NLGN4Y: variants seen among roughly 807,000 people sequenced by gnomAD.
NLGN4Y encodes the protein neuroligin-4, Y-linked.
In NLGN4Y, 4 loss-of-function variants were observed where a neutral mutation model predicts 8.4. The ratio of observed to expected loss-of-function variants is 0.48; its 90% CI spans 0.23 to 1.09. The LOEUF (loss-of-function observed/expected upper bound fraction) is 1.09. NLGN4Y is among the 50% of genes least tolerant of loss of function. NLGN4Y has a pLI of 0.19. For synonymous variants in NLGN4Y, 35 were observed against 75.6 expected (o/e 0.46, Z 2.78); for missense variants, 90 against 192.3 (o/e 0.47, Z 3.15).
Position 14,709,004 on chromosome Y carries a change from G to A in NLGN4Y, c.473-10455G>A, listed in dbSNP as rs556120823. Reference sequence around the variant, plus strand: ...GAATATCATCCTCTAACAGGCTAGTGAGGACTCTTCATGGAAACTTGTCAG... The same window carrying A: ...GAATATCATCCTCTAACAGGCTAGTAAGGACTCTTCATGGAAACTTGTCAG... On this transcript the variant is annotated intron_variant, in intron 2 of 6. Transcript: ENST00000684976. 2.4e-4 allele frequency among the ~76,000 whole-genome samples: 8 copies of A among 33,174 alleles called. No homozygotes were observed. The East Asian group carries it at 5.7e-3, about 23-fold the overall frequency. 89.0% of individuals were successfully genotyped at this position (33,174 alleles called of 37,273 possible). A position where few individuals can be genotyped will look rare whatever the true frequency, so the allele number is the denominator to read the frequency against.
intron 4 of NLGN4Y, among the ~76,000 whole-genome samples, chrY:14,751,304 A>G (rs1401691013): frequency 2.1e-4 from 7 of 33,694 alleles, no homozygotes; most frequent in Non-Finnish European, 4.4e-4. Context: ...ACCACTATGT[A>G]ATTGCTGGTT....
At chrY:14,778,796 G>A in intron 4 of NLGN4Y, among the ~76,000 whole-genome samples, 1 of 33,493 alleles carries the variant, frequency 3.0e-5, no homozygotes, top group Non-Finnish European at 7.4e-5. Flanking sequence ...CATTTATTAC[G>A]GCAGGTATTT....
chrY:14,832,419 T>C, intron 6 of NLGN4Y, among the ~76,000 whole-genome samples: 1 of 34,594 alleles, frequency 2.9e-5, no homozygotes, highest in Non-Finnish European at 7.2e-5. Flanking sequence ...TGAAAGGTTC[T>C]TTCCTGCATG....
intron 4 of NLGN4Y, among the ~76,000 whole-genome samples, chrY:14,736,599 C>T: frequency 3.1e-5 from 1 of 32,451 alleles, no homozygotes; most frequent in Non-Finnish European, 7.5e-5. Flanking sequence ...TATAGTTTCC[C>T]TAATCTCCTT....
At chrY:14,699,385 T>G in intron 2 of NLGN4Y, among the ~76,000 whole-genome samples, 1 of 33,538 alleles carries the variant, frequency 3.0e-5, no homozygotes, top group African/African-American at 1.2e-4. Flanking sequence ...CAATTCTTCT[T>G]CTTCCAGTAT....
chrY:14,746,555 A>G, intron 4 of NLGN4Y, among the ~76,000 whole-genome samples: 1 of 33,344 alleles, frequency 3.0e-5, no homozygotes, highest in Non-Finnish European at 7.4e-5. Context: ...TTGATTTAGA[A>G]CTATGGCTTT....
intron 4 of NLGN4Y, among the ~76,000 whole-genome samples, chrY:14,745,416 T>TC (rs2081021201): frequency 4.2e-4 from 14 of 33,462 alleles, no homozygotes; most frequent in Admixed American, 3.8e-3. Context: ...GTCACTGCAT[T>TC]CTAAGGTGCT....
intron 4 of NLGN4Y, among the ~76,000 whole-genome samples, chrY:14,726,991 G>T (rs2080956896): frequency 3.1e-5 from 1 of 32,667 alleles, no homozygotes; most frequent in Non-Finnish European, 7.5e-5. Context: ...AGGCTGAGAT[G>T]CACGAATCAG....
chrY:14,670,203 G>T, intron 2 of NLGN4Y, among the ~76,000 whole-genome samples: 1 of 33,893 alleles, frequency 3.0e-5, no homozygotes, highest in Non-Finnish European at 7.3e-5. Flanking sequence ...ATGTTAAAAA[G>T]CAAACTGTGT....
chrY:14,774,867 G>A (rs762235294), intron 4 of NLGN4Y, among the ~76,000 whole-genome samples: 129 of 33,119 alleles, frequency 3.9e-3, no homozygotes, highest in Admixed American at 0.018. Flanking sequence ...GGACATGGAT[G>A]AAGCTGCAAA....
chrY:14,601,474 CCTG>C (rs2080426708), intron 1 of NLGN4Y, among the ~76,000 whole-genome samples: 1 of 33,122 alleles, frequency 3.0e-5, no homozygotes, highest in Non-Finnish European at 7.4e-5. Context: ...CTCACTAAAT[CCTG>C]CTATTTTCTG....
At chrY:14,632,607 G>A in intron 2 of NLGN4Y, among the ~76,000 whole-genome samples, 1 of 33,493 alleles carries the variant, frequency 3.0e-5, no homozygotes, top group African/African-American at 1.2e-4. Flanking sequence ...GAGTGAGACC[G>A]ATGTTTTAAC....
intron 4 of NLGN4Y, among the ~76,000 whole-genome samples, chrY:14,770,567 C>A: frequency 3.0e-5 from 1 of 33,578 alleles, no homozygotes; most frequent in East Asian, 7.9e-4. Flanking sequence ...CATCAAAAAC[C>A]AAAGGTAGAT....
intron 1 of NLGN4Y, among the ~76,000 whole-genome samples, chrY:14,528,430 A>G: frequency 3.1e-5 from 1 of 32,510 alleles, no homozygotes; most frequent in Non-Finnish European, 7.5e-5. Context: ...GGCCTCAAGA[A>G]ACTTACAATT....
intron 4 of NLGN4Y, among the ~76,000 whole-genome samples, chrY:14,815,421 C>G (rs970167709): frequency 5.4e-4 from 18 of 33,133 alleles, no homozygotes; most frequent in Admixed American, 1.4e-3. Flanking sequence ...AACACCCAGA[C>G]TGTTAAGCAG....
intron 1 of NLGN4Y, among the ~76,000 whole-genome samples, chrY:14,604,335 C>A: frequency 3.0e-5 from 1 of 32,973 alleles, no homozygotes; most frequent in Non-Finnish European, 7.5e-5. Context: ...CGACACTCAC[C>A]CCAGGCTATG....
chrY:14,823,946 T>A, intron 4 of NLGN4Y, among the ~76,000 whole-genome samples: 2 of 33,833 alleles, frequency 5.9e-5, no homozygotes, highest in African/African-American at 2.3e-4. Flanking sequence ...TTATTTTGCC[T>A]TCTACATTAG....
intron 1 of NLGN4Y, among the ~76,000 whole-genome samples, chrY:14,544,705 C>A (rs2080161943): frequency 3.0e-5 from 1 of 33,186 alleles, no homozygotes; most frequent in Non-Finnish European, 7.4e-5. Context: ...CATTAGTTAT[C>A]TATTGCTGCA....
Position 14,654,618 on chromosome Y carries a change from A to AT in NLGN4Y, c.472+32035dup, listed in dbSNP as rs2150521298. On this transcript the variant is annotated intron_variant, in intron 2 of 6. Transcript: ENST00000684976. ...CTCATTATTATACTCTTTTTTTATG[A>AT]TTTTTTTTCCTCCTTATAGTTTGGA... Among the ~76,000 whole-genome samples the AT allele has an allele frequency of 3.5e-4, 10 of 28,173 alleles. No individual in the cohort carries two copies. In the East Asian group the frequency reaches 9.5e-3, roughly 27 times the overall value. The allele number at this position is 28,173 out of a possible 37,273, so 75.6% of individuals were successfully genotyped here. A position where few individuals can be genotyped will look rare whatever the true frequency, so the allele number is the denominator to read the frequency against.
Sources: allele counts gnomAD v4.1 joint callset (sites outside exome capture counted in the v4.1 genomes callset), GRCh38; gene constraint gnomAD v4.1.1; transcripts MANE v1.5; gene names NCBI Gene and HGNC (gene_info 2026-07-23, HGNC 2026-07-21).